PRKN: variants seen among roughly 807,000 people sequenced by gnomAD.
The protein encoded by PRKN is parkin RBR E3 ubiquitin protein ligase, also known as E3 ubiquitin-protein ligase parkin.
PRKN carries 56 observed loss-of-function variants against 59.5 expected under a neutral mutation model. The ratio of observed to expected loss-of-function variants is 0.94; its 90% CI spans 0.76 to 1.18. The LOEUF (loss-of-function observed/expected upper bound fraction) is 1.18, where lower values mean the gene tolerates loss of function less well. Among genes scored for constraint, PRKN ranks in the 50% most tolerant of loss-of-function variants. The pLI, the probability that PRKN is intolerant of heterozygous loss-of-function variation, is 0.00. For synonymous variants in PRKN, 250 were observed against 222.1 expected, an observed-to-expected ratio of 1.13 and a Z score of -1.12; for missense variants, 657 against 596.4, an observed-to-expected ratio of 1.10 and a Z score of -1.06.
intron 1 of PRKN, among the ~76,000 whole-genome samples, chr6:162,551,446 G>C (rs917241007): frequency 2.0e-5 from 3 of 152,156 alleles, no homozygotes; most frequent in Admixed American, 6.5e-5. Context: ...GATTTCTTTT[G>C]TTCTTAGAGA....
intron 4 of PRKN, among the ~76,000 whole-genome samples, chr6:162,061,336 T>C (rs1192088559): frequency 6.6e-6 from 1 of 152,184 alleles, no homozygotes; most frequent in African/African-American, 2.4e-5. Context: ...AAATGGCAAC[T>C]GTTACAAGTA....
At chr6:162,014,484 C>G (rs1400529820) in intron 5 of PRKN, among the ~76,000 whole-genome samples, 3 of 152,154 alleles carry the variant, frequency 2.0e-5, no homozygotes, top group Admixed American at 1.3e-4. Context: ...CCACTTTGAG[C>G]TCTCTTCACC....
chr6:162,392,817 A>G (rs752657927), intron 2 of PRKN, among the ~76,000 whole-genome samples: 5 of 152,116 alleles, frequency 3.3e-5, no homozygotes, highest in Non-Finnish European at 7.3e-5. Context: ...GTTGCTCTTT[A>G]TTTCTATTAC....
At chr6:161,847,256 G>A (rs116856201) in intron 6 of PRKN, among the ~76,000 whole-genome samples, 3,898 of 152,132 alleles carry the variant, frequency 0.026, 75 homozygotes, top group South Asian at 0.048. Flanking sequence ...TGCAGTGAGC[G>A]GAGATGGCGC....
At chr6:162,551,714 A>G (rs1779338768) in intron 1 of PRKN, among the ~76,000 whole-genome samples, 1 of 151,772 alleles carries the variant, frequency 6.6e-6, no homozygotes, top group South Asian at 2.1e-4. Context: ...CTCCGGCCTC[A>G]TCGTTGTAAC....
chr6:162,573,081 T>A (rs1250245630), intron 1 of PRKN, among the ~76,000 whole-genome samples: 1 of 152,206 alleles, frequency 6.6e-6, no homozygotes, highest in Non-Finnish European at 1.5e-5. Flanking sequence ...TTAATTTTAT[T>A]TACAATTACA....
intron 3 of PRKN, among the ~76,000 whole-genome samples, chr6:162,259,870 G>T (rs576796424): frequency 6.6e-6 from 1 of 152,320 alleles, no homozygotes; most frequent in Admixed American, 6.5e-5. Flanking sequence ...GGTGAAGTCA[G>T]AACTGGAGTA....
chr6:161,818,673 T>G (rs1224196395), intron 6 of PRKN, among the ~76,000 whole-genome samples: 1 of 151,946 alleles, frequency 6.6e-6, no homozygotes. Flanking sequence ...TTTGGAAAGG[T>G]TACTAGATAG....
chr6:161,869,648 A>G (rs1794264654), intron 6 of PRKN, among the ~76,000 whole-genome samples: 1 of 152,154 alleles, frequency 6.6e-6, no homozygotes, highest in Admixed American at 6.5e-5. Context: ...TTCCACTCAC[A>G]ACACAAACAT....
chr6:161,590,138 T>C (rs1175481512), intron 7 of PRKN, among the ~76,000 whole-genome samples: 3 of 152,088 alleles, frequency 2.0e-5, no homozygotes, highest in Non-Finnish European at 4.4e-5. Context: ...AGGATATATT[T>C]TACATCTAAT....
chr6:162,316,635 T>C (rs976754189), intron 2 of PRKN, among the ~76,000 whole-genome samples: 23 of 152,192 alleles, frequency 1.5e-4, no homozygotes, highest in East Asian at 3.9e-4. Flanking sequence ...CTCTAGAAAT[T>C]GGGGCCTTTT....
intron 6 of PRKN, among the ~76,000 whole-genome samples, chr6:161,797,462 G>A (rs578111615): frequency 1.6e-4 from 25 of 152,150 alleles, no homozygotes; most frequent in Admixed American, 5.2e-4. Context: ...ATGGGGTTTC[G>A]CCATGTTGGC....
chr6:161,866,843 T>G (rs1033507655), intron 6 of PRKN, among the ~76,000 whole-genome samples: 1 of 152,116 alleles, frequency 6.6e-6, no homozygotes, highest in African/African-American at 2.4e-5. Flanking sequence ...AAACAAACCT[T>G]TTAAAGTAGC....
intron 6 of PRKN, among the ~76,000 whole-genome samples, chr6:161,941,091 C>G (rs994687096): frequency 5.9e-5 from 9 of 152,202 alleles, no homozygotes; most frequent in African/African-American, 2.2e-4. Context: ...TAGAGGAGGG[C>G]ATGGTCCCTG....
intron 5 of PRKN, among the ~76,000 whole-genome samples, chr6:161,985,159 A>T (rs1262109498): frequency 3.3e-5 from 5 of 152,212 alleles, no homozygotes; most frequent in African/African-American, 1.2e-4. Context: ...TAAATCGAGC[A>T]TATCTCTTCC....
At chr6:162,650,727 A>C (rs1778397244) in intron 1 of PRKN, among the ~76,000 whole-genome samples, 1 of 152,116 alleles carries the variant, frequency 6.6e-6, no homozygotes, top group African/African-American at 2.4e-5. Context: ...TTTGTCTCCT[A>C]ATGTTTTTCT....
chr6:162,118,969 A>G (rs999243961), intron 4 of PRKN, among the ~76,000 whole-genome samples: 4 of 152,220 alleles, frequency 2.6e-5, no homozygotes, highest in Non-Finnish European at 5.9e-5. Context: ...CCAACAGCAC[A>G]CACGTTCAAA....
At chr6:161,878,133 GA>G (rs1243925479) in intron 6 of PRKN, among the ~76,000 whole-genome samples, 2 of 152,154 alleles carry the variant, frequency 1.3e-5, no homozygotes, top group Non-Finnish European at 2.9e-5. Context: ...TCGGAATGGG[GA>G]AAGAGTAAAT....
At chr6:162,560,996 G>A (rs980763428) in intron 1 of PRKN, among the ~76,000 whole-genome samples, 6 of 152,050 alleles carry the variant, frequency 3.9e-5, no homozygotes, top group Admixed American at 6.5e-5. Flanking sequence ...GAGTTGAGCC[G>A]TAACTGAGGA....
Sources: gnomAD v4.1 joint callset for allele counts (sites outside exome capture counted in the v4.1 genomes callset) on GRCh38, gnomAD v4.1.1 for gene constraint, MANE v1.5 for transcripts, NCBI Gene and HGNC (gene_info 2026-07-23, HGNC 2026-07-21) for gene names.